The following CNTNAP5 variants were observed in gnomAD, a reference collection of about 807,000 sequenced individuals.
CNTNAP5 encodes contactin-associated protein-like 5.
CNTNAP5 carries 72 observed loss-of-function variants against 150.2 expected under a neutral mutation model. The ratio of observed to expected loss-of-function variants is 0.48; its 90% CI spans 0.40 to 0.58. The LOEUF is 0.58. Ranked by LOEUF, CNTNAP5 falls within the 20% of genes least tolerant of loss-of-function variation. The pLI is 0.00. For synonymous variants in CNTNAP5, 672 were observed against 619.8 expected, an observed-to-expected ratio of 1.08 and a Z score of -1.25; for missense variants, 1,636 against 1,626.2, an observed-to-expected ratio of 1.01 and a Z score of -0.10.
At chr2:124,218,322 G>T (rs1444632753) in intron 1 of CNTNAP5, among the ~76,000 whole-genome samples, 1 of 152,114 alleles carries the variant, frequency 6.6e-6, no homozygotes, top group Non-Finnish European at 1.5e-5. Context: ...TTTCATAAGA[G>T]ACTTGCTCTC....
chr2:124,757,555 G>A (rs573762626), intron 14 of CNTNAP5, among the ~76,000 whole-genome samples: 14 of 152,326 alleles, frequency 9.2e-5, no homozygotes, highest in South Asian at 4.1e-4. Context: ...ATCTAAATCT[G>A]TGTGCAAATC....
In CNTNAP5 at chr2:124,757,581, G is replaced by A. The variant is rs146737410; in HGVS notation, c.2235-6091G>A. On this transcript the variant is annotated intron_variant, in intron 14 of 23. Transcript: ENST00000682447. ...TGTGCAAATCCTGGCCTTTCCATTT[G>A]CAAATGATAAACCTTGAGAAGTTTC... Among the ~76,000 whole-genome samples the A allele has an allele frequency of 1.1e-3, 162 of 152,314 alleles. 1 individual carries two copies. The highest frequency in any genetic ancestry group is 3.6e-3 in the African/African-American group (151 of 41,570).
chr2:124,629,078 C>T (rs181488474), intron 12 of CNTNAP5, among the ~76,000 whole-genome samples: 7 of 152,320 alleles, frequency 4.6e-5, no homozygotes, highest in Admixed American at 2.6e-4. Context: ...TAGAGACCCA[C>T]AAAGAGACTC....
chr2:124,153,524 G>A (rs1684452156), intron 1 of CNTNAP5, among the ~76,000 whole-genome samples: 1 of 151,808 alleles, frequency 6.6e-6, no homozygotes, highest in South Asian at 2.1e-4. Context: ...CTGGTGAGGA[G>A]GGCCTGCTTC....
At chr2:124,212,334 T>C (rs1686035152) in intron 1 of CNTNAP5, among the ~76,000 whole-genome samples, 1 of 152,130 alleles carries the variant, frequency 6.6e-6, no homozygotes. Flanking sequence ...GTGTGTGCTG[T>C]GAGAAGTGTT....
intron 19 of CNTNAP5, among the ~76,000 whole-genome samples, chr2:124,855,870 C>A (rs1677360880): frequency 6.6e-6 from 1 of 152,080 alleles, no homozygotes; most frequent in African/African-American, 2.4e-5. Context: ...CCCCCTTTCA[C>A]CCTTACCCTT....
intron 16 of CNTNAP5, among the ~76,000 whole-genome samples, chr2:124,770,846 T>A (rs773269137): frequency 3.3e-5 from 5 of 152,256 alleles, no homozygotes; most frequent in Admixed American, 6.5e-5. Context: ...TTCTAATAAC[T>A]TTATCAGGAT....
At chr2:124,820,224 T>A (rs1195622798) in intron 19 of CNTNAP5, among the ~76,000 whole-genome samples, 1 of 152,148 alleles carries the variant, frequency 6.6e-6, no homozygotes, top group Non-Finnish European at 1.5e-5. Context: ...TGTCAAACAT[T>A]TGAGGCATTT....
At chr2:124,802,941 G>C (rs1019147393) in intron 19 of CNTNAP5, among the ~76,000 whole-genome samples, 22 of 151,844 alleles carry the variant, frequency 1.4e-4, no homozygotes, top group African/African-American at 5.3e-4. Context: ...TGGCTAACAC[G>C]GTGAAAACTC....
Position 124,346,405 on chromosome 2 carries a change from G to A in CNTNAP5, c.382-71038G>A, listed in dbSNP as rs138105431. Among the ~76,000 whole-genome samples the A allele has an allele frequency of 1.9e-3, 284 of 152,256 alleles. 2 individuals are homozygous for A. Among genetic ancestry groups the A allele is most frequent in the African/African-American group, 6.5e-3 (272 of 41,558 alleles). ...AGCAAGATAGATAAAGTAAAATAGT[G>A]CACCTTTTTTCAAATGAGTAAGAAC... On this transcript the variant is annotated intron_variant, in intron 3 of 23. Coordinates refer to ENST00000682447, the MANE Select transcript of CNTNAP5 (RefSeq NM_001367498.1).
Position 124,776,501 on chromosome 2 carries a change from C to T in CNTNAP5, c.2752+3484C>T, listed in dbSNP as rs550861754. ...AACTCAGTGAGGTCAAGGGTGAAGC[C>T]AGGCAGGCTTGGCGTGCACATGTTT... On this transcript the variant is annotated intron_variant, in intron 17 of 23. Coordinates refer to ENST00000682447, the MANE Select transcript of CNTNAP5 (RefSeq NM_001367498.1). 2.2e-4 allele frequency among the ~76,000 whole-genome samples: 34 copies of T among 152,260 alleles called. 1 individual carries two copies. In the South Asian group the frequency reaches 7.1e-3, roughly 32 times the overall value.
intron 13 of CNTNAP5, among the ~76,000 whole-genome samples, chr2:124,706,817 AGGAG>A (rs1374630884): frequency 1.4e-4 from 1 of 7,088 alleles, no homozygotes. Flanking sequence ...GAGGAGGAGG[AGGAG>A]GAGGAAGAGG....
intron 13 of CNTNAP5, among the ~76,000 whole-genome samples, chr2:124,661,553 T>G (rs1678591457): frequency 8.2e-6 from 1 of 122,600 alleles, no homozygotes; most frequent in Non-Finnish European, 1.8e-5. Flanking sequence ...AGGGCCTGCC[T>G]GAGGCTGTTT....
intron 3 of CNTNAP5, among the ~76,000 whole-genome samples, chr2:124,379,577 C>G (rs1690738776): frequency 6.6e-6 from 1 of 152,052 alleles, no homozygotes; most frequent in Non-Finnish European, 1.5e-5. Flanking sequence ...TTGGTTGTTT[C>G]CAAGTTTGGT....
intron 13 of CNTNAP5, among the ~76,000 whole-genome samples, chr2:124,685,644 C>T (rs1304758957): frequency 5.3e-5 from 8 of 151,894 alleles, no homozygotes; most frequent in Non-Finnish European, 1.0e-4. Flanking sequence ...TTTTTTAAAA[C>T]GAATGCAATT....
chr2:124,381,642 G>A (rs1431728862), intron 3 of CNTNAP5, among the ~76,000 whole-genome samples: 1 of 152,052 alleles, frequency 6.6e-6, no homozygotes, highest in Non-Finnish European at 1.5e-5. Context: ...GGGGTAAAGT[G>A]GGGAAATGAA....
At chr2:124,099,575 C>T (rs1282568533) in intron 1 of CNTNAP5, among the ~76,000 whole-genome samples, 2 of 152,122 alleles carry the variant, frequency 1.3e-5, no homozygotes, top group Non-Finnish European at 2.9e-5. Context: ...GATTATCGAG[C>T]CGTATGTACT....
intron 14 of CNTNAP5, among the ~76,000 whole-genome samples, chr2:124,751,576 A>G (rs1680728207): frequency 6.6e-6 from 1 of 152,266 alleles, no homozygotes. Context: ...AATCAAGTTC[A>G]ACATACATGC....
At chr2:124,764,229 G>C in intron 16 of CNTNAP5, 82 bp downstream of exon 16, 1 of 1,054,752 alleles carries the variant, frequency 9.5e-7, no homozygotes, top group Non-Finnish European at 1.4e-6. Context: ...TCACTAGTGG[G>C]CATTTGTACC....
Sources: gnomAD v4.1 joint callset for allele counts (sites outside exome capture counted in the v4.1 genomes callset) on GRCh38, gnomAD v4.1.1 for gene constraint, MANE v1.5 for transcripts, NCBI Gene and HGNC (gene_info 2026-07-23, HGNC 2026-07-21) for gene names.